TDRD15: variants seen among roughly 807,000 people sequenced by gnomAD.
TDRD15 encodes tudor domain-containing protein 15.
For missense variants in TDRD15, 1,416 were observed against 904.7 expected, an observed-to-expected ratio of 1.57 and a Z score of -7.25; for synonymous variants, 503 against 314.5, an observed-to-expected ratio of 1.60 and a Z score of -6.34.
chr2:21,144,893 C>T (rs1038954153), downstream of TDRD15, among the ~76,000 whole-genome samples: 1 of 151,938 alleles, frequency 6.6e-6, no homozygotes, highest in Non-Finnish European at 1.5e-5. Context: ...TTTAGACTTA[C>T]ACAGACGGTT....
chr2:21,128,321 A>G (rs995321292), intron 2 of TDRD15, among the ~76,000 whole-genome samples: 19 of 148,858 alleles, frequency 1.3e-4, no homozygotes, highest in African/African-American at 4.8e-4. Context: ...TTGTCTATTC[A>G]TATAATTTTT....
Position 21,142,193 on chromosome 2 carries a change from GA to G in TDRD15, c.4731del (p.Gly1578ValfsTer2). The G allele has an allele frequency of 4.4e-6, 3 of 684,064 alleles. No individual in the cohort carries two copies. Among genetic ancestry groups the G allele is most frequent in the Admixed American group, 2.5e-5 (1 of 39,998 alleles). 42.4% of individuals were successfully genotyped at this position (684,064 alleles called of 1,614,324 possible). On this transcript the variant is annotated frameshift_variant, in exon 4 of 4. Transcript: ENST00000405799. LOFTEE classifies it low-confidence loss of function (END_TRUNC). ...CCCTTTTTTATCAATGGAAAGTATT[GA>G]AAAAGGTTTAGAATGCTTGGCAAAA... ...KSPFLSMESI[E>X]KGLECLAKSK...
At chr2:21,126,452 T>C (rs912558553) in intron 1 of TDRD15, among the ~76,000 whole-genome samples, 1 of 151,992 alleles carries the variant, frequency 6.6e-6, no homozygotes, top group African/African-American at 2.4e-5. Flanking sequence ...CCGCAATCTC[T>C]GCCTCCCGGG....
rs1280039534 is a variant in TDRD15 at position 21,140,017 on chromosome 2, C to T, written c.2550C>T (p.Asn850=). The change falls in exon 4 of 4, where the codon AAC becomes AAT. Residue 850 remains asparagine (N), a synonymous_variant. Transcript: ENST00000405799. ...TAATTGAAGATCTTTGTGCAATTAA[C>T]CCACGTTTTCTCTTGTTAGAAAGCC... is the stretch of plus-strand genomic sequence containing the variant. ...RVLIEDLCAI[N]PRFLLLESQA... 1.4e-6 allele frequency: 1 copy of T among 715,682 alleles called. No homozygotes were observed. Among genetic ancestry groups the T allele is most frequent in the Middle Eastern group, 2.3e-4 (1 of 4,364 alleles). 44.3% of individuals were successfully genotyped at this position (715,682 alleles called of 1,614,324 possible).
intron 2 of TDRD15, among the ~76,000 whole-genome samples, chr2:21,128,105 C>T (rs544684591): frequency 1.3e-5 from 2 of 152,176 alleles, no homozygotes; most frequent in South Asian, 2.1e-4. Context: ...AGAATTTATT[C>T]TCTTACCTGG....
chr2:21,136,256 A>G (rs773554097), intron 3 of TDRD15, among the ~76,000 whole-genome samples: 2 of 151,892 alleles, frequency 1.3e-5, no homozygotes, highest in Non-Finnish European at 2.9e-5. Context: ...CTTTGGTGAG[A>G]CTTTATATTC....
intron 2 of TDRD15, among the ~76,000 whole-genome samples, chr2:21,131,998 A>G (rs370972725): frequency 6.6e-6 from 1 of 152,086 alleles, no homozygotes; most frequent in South Asian, 2.1e-4. Flanking sequence ...GTGGGAGGTT[A>G]CAGTTTTAAT....
chr2:21,142,393 G>A lies in TDRD15; in HGVS notation c.4926G>A (p.Trp1642Ter), dbSNP rs2103447914. 1.4e-6 allele frequency: 1 copy of A among 705,242 alleles called. No individual in the cohort carries two copies. The highest frequency in any genetic ancestry group is 2.7e-5 in the East Asian group (1 of 37,108). The allele number at this position is 705,242 out of a possible 1,614,324, so 43.7% of individuals were successfully genotyped here. Residue 1642 changes from tryptophan to a stop codon, truncating the protein, a stop_gained, in exon 4 of 4, where the codon TGG becomes TGA. Transcript: ENST00000405799. LOFTEE classifies it low-confidence loss of function (END_TRUNC). ...NIPRQAVPCK[W>*]IWFENSKNIS... Reference sequence around the variant, plus strand: ...CTAGACAAGCTGTACCTTGTAAATGGATTTGGTTTGAAAATTCTAAGAACA... The same window carrying A: ...CTAGACAAGCTGTACCTTGTAAATGAATTTGGTTTGAAAATTCTAAGAACA...
chr2:21,137,425 A>G (rs1406920655), intron 3 of TDRD15, 40 bp from the exon 4 acceptor site: 2 of 579,884 alleles, frequency 3.4e-6, no homozygotes, highest in East Asian at 2.8e-5. Flanking sequence ...AATTGCAGTT[A>G]ACTTTGATAG....
intron 2 of TDRD15, among the ~76,000 whole-genome samples, chr2:21,133,347 A>G (rs1048016021): frequency 8.5e-5 from 13 of 152,130 alleles, no homozygotes; most frequent in African/African-American, 2.9e-4. Context: ...TCTGTCCCAG[A>G]ATGGTGCTTT....
intron 1 of TDRD15, among the ~76,000 whole-genome samples, chr2:21,125,695 A>G (rs1182986723): frequency 6.6e-6 from 1 of 152,196 alleles, no homozygotes; most frequent in East Asian, 1.9e-4. Context: ...CAGCTAAAGC[A>G]GAGGGTAAAG....
chr2:21,144,036 T>G lies in TDRD15; in HGVS notation c.*764T>G, dbSNP rs1665992134. On this transcript the variant is annotated 3_prime_UTR_variant, in exon 4 of 4. Transcript: ENST00000405799. ...CTATTATTAGTGAGCTTCCTGCGCTTATTTTGAAGAATCATTTTTCTGTTA... is the reference window on the plus strand; with the variant it reads ...CTATTATTAGTGAGCTTCCTGCGCTGATTTTGAAGAATCATTTTTCTGTTA... Among the ~76,000 whole-genome samples, 1 of 151,758 alleles carries G rather than the reference T, an allele frequency of 6.6e-6. No individual in the cohort carries two copies. The highest frequency in any genetic ancestry group is 2.4e-5 in the African/African-American group (1 of 41,416).
chr2:21,139,861 T>C lies in TDRD15; in HGVS notation c.2394T>C (p.Asp798=). 1 of 715,918 alleles carries C rather than the reference T, an allele frequency of 1.4e-6. No homozygotes were observed. Among genetic ancestry groups the C allele is most frequent in the Non-Finnish European group, 2.6e-6 (1 of 384,052 alleles). 44.3% of individuals were successfully genotyped at this position (715,918 alleles called of 1,614,324 possible). Residue 798 remains aspartate, a synonymous_variant, in exon 4 of 4, where the codon GAT becomes GAC. Coordinates refer to ENST00000405799, the MANE Select transcript of TDRD15 (RefSeq NM_001306137.2). ...AGAATTACTATAGTATTCATTCTGA[T>C]CCTTATGAGATTGGGCAGACTGCTT... ...QIQNYYSIHS[D]PYEIGQTACV... is the part of the protein sequence containing the mutation.
At chr2:21,124,477 G>T (rs576225825) in intron 1 of TDRD15, among the ~76,000 whole-genome samples, 187 of 127,624 alleles carry the variant, frequency 1.5e-3, no homozygotes, top group Non-Finnish European at 2.5e-3. Flanking sequence ...TAATGCCAGG[G>T]TGTGTGTGTG....
Position 21,141,163 on chromosome 2 carries a change from G to A in TDRD15, c.3696G>A (p.Gly1232=). The A allele has an allele frequency of 1.4e-6, 1 of 714,970 alleles. No individual in the cohort carries two copies. Among genetic ancestry groups the A allele is most frequent in the South Asian group, 1.5e-5 (1 of 67,316 alleles). 44.3% of individuals were successfully genotyped at this position (714,970 alleles called of 1,614,324 possible). The change falls in exon 4 of 4, where the codon GGG becomes GGA. Residue 1232 remains glycine (G), a synonymous_variant. Transcript: ENST00000405799. ...AAATGAAGACTTCTTTGAATGATGG[G>A]CTTAAAGGTATAAAAATTGTCCCTG... ...KNKMKTSLND[G]LKGIKIVPGA... is the part of the protein sequence containing the mutation.
At position 21,142,157 on chromosome 2, in the gene TDRD15, GAAAA is replaced by G. The variant is rs750572471; in HGVS notation, c.4695_4698del (p.Lys1565AsnfsTer14). ...TTTAATAGTATTAATTACGAAAGAA[GAAAA>G]AAAATCCCCTTTTTTATCAATGGAA... On this transcript the variant is annotated frameshift_variant, in exon 4 of 4. Transcript: ENST00000405799. LOFTEE classifies it low-confidence loss of function (END_TRUNC). 1.5e-6 allele frequency: 1 copy of G among 666,386 alleles called. No homozygotes were observed. The highest frequency in any genetic ancestry group is 2.7e-6 in the Non-Finnish European group (1 of 370,096). 41.3% of individuals were successfully genotyped at this position (666,386 alleles called of 1,614,324 possible).
chr2:21,144,794 TAAAC>T (rs139480556), downstream of TDRD15, among the ~76,000 whole-genome samples: 1,491 of 151,342 alleles, frequency 9.9e-3, 34 homozygotes, highest in African/African-American at 0.034. Flanking sequence ...ATGTCGCACT[TAAAC>T]AAAATAAATA....
intron 3 of TDRD15, among the ~76,000 whole-genome samples, chr2:21,136,089 C>G (rs1210570996): frequency 6.6e-6 from 1 of 151,954 alleles, no homozygotes; most frequent in Non-Finnish European, 1.5e-5. Flanking sequence ...CAGGGCCCTT[C>G]AGGTGAATGC....
In TDRD15 at chr2:21,143,268, T is replaced by C; in HGVS notation, c.5801T>C (p.Ile1934Thr). ...ITATESAKNP[I>T] ...GCTACTGAATCTGCTAAAAATCCAA[T>C]ATAAATTACAAAGTAAGCCTATTTT... Residue 1934 changes from isoleucine to threonine, a missense_variant, in exon 4 of 4, where the codon ATA becomes ACA. Coordinates refer to ENST00000405799, the MANE Select transcript of TDRD15 (RefSeq NM_001306137.2). The C allele has an allele frequency of 1.7e-6, 1 of 572,430 alleles. No homozygotes were observed. Among genetic ancestry groups the C allele is most frequent in the Non-Finnish European group, 3.1e-6 (1 of 317,674 alleles). The allele number at this position is 572,430 out of a possible 1,614,324, so 35.5% of individuals were successfully genotyped here.
Sources: gnomAD v4.1 joint callset for allele counts (sites outside exome capture counted in the v4.1 genomes callset) on GRCh38, gnomAD v4.1.1 for gene constraint, MANE v1.5 for transcripts, NCBI Gene and HGNC (gene_info 2026-07-23, HGNC 2026-07-21) for gene names.